Variants in OPCML observed in about 807,000 individuals in gnomAD.
OPCML encodes the protein opioid-binding protein/cell adhesion molecule.
Under a neutral mutation model 37.8 loss-of-function variants are expected in OPCML, and 13 were observed. That is an observed-to-expected ratio of 0.34 (90% CI 0.22 to 0.55). The LOEUF is 0.55. OPCML is among the 20% of genes least tolerant of loss of function. OPCML has a pLI of 0.91. For synonymous variants in OPCML, 176 were observed against 168.8 expected (o/e 1.04, Z -0.33); for missense variants, 341 against 435.6 (o/e 0.78, Z 1.93).
intron 1 of OPCML, among the ~76,000 whole-genome samples, chr11:133,270,074 C>T (rs1200675183): frequency 6.6e-6 from 1 of 152,164 alleles, no homozygotes; most frequent in Admixed American, 6.5e-5. Flanking sequence ...CTGTCCTATT[C>T]ATGTGGAGGT....
At chr11:132,528,447 G>T (rs761977768) in intron 4 of OPCML, among the ~76,000 whole-genome samples, 1 of 152,272 alleles carries the variant, frequency 6.6e-6, no homozygotes, top group Non-Finnish European at 1.5e-5. Flanking sequence ...TTATTTCCAA[G>T]AGGGCAAGCC....
intron 3 of OPCML, among the ~76,000 whole-genome samples, chr11:132,584,337 G>A (rs1260809879): frequency 6.6e-6 from 1 of 152,130 alleles, no homozygotes; most frequent in Admixed American, 6.6e-5. Context: ...ATACAGGGAA[G>A]CCAATCTATT....
intron 1 of OPCML, among the ~76,000 whole-genome samples, chr11:133,187,544 T>C (rs1408103952): frequency 1.3e-5 from 2 of 152,062 alleles, no homozygotes; most frequent in South Asian, 2.1e-4. Context: ...GCTCCTCAGA[T>C]CCAACCCCTG....
intron 1 of OPCML, 193 bp downstream of exon 1, chr11:133,532,071 G>T: frequency 4.2e-6 from 2 of 478,930 alleles, no homozygotes; most frequent in Non-Finnish European, 2.7e-6. Flanking sequence ...CGTGCTGAAA[G>T]CATCTGCGCG....
chr11:133,271,625 C>A (rs1941836789), intron 1 of OPCML, among the ~76,000 whole-genome samples: 1 of 152,150 alleles, frequency 6.6e-6, no homozygotes, highest in Non-Finnish European at 1.5e-5. Flanking sequence ...TTGTTCCTCC[C>A]ATTTTACTGA....
At chr11:133,251,517 AC>A (rs928246551) in intron 1 of OPCML, among the ~76,000 whole-genome samples, 7 of 142,528 alleles carry the variant, frequency 4.9e-5, no homozygotes, top group Admixed American at 2.9e-4. Context: ...TTTTTCCTTT[AC>A]CCCCTTCAAG....
intron 2 of OPCML, among the ~76,000 whole-genome samples, chr11:132,696,416 A>C (rs1427030221): frequency 6.6e-6 from 1 of 152,180 alleles, no homozygotes; most frequent in African/African-American, 2.4e-5. Context: ...AACAAAGAAA[A>C]CTGGTCTCAG....
At chr11:132,944,447 TGCACCCACCTCCGA>T (rs1003068287) in intron 1 of OPCML, among the ~76,000 whole-genome samples, 5 of 151,826 alleles carry the variant, frequency 3.3e-5, no homozygotes, top group African/African-American at 9.7e-5. Flanking sequence ...AGAGGTGGAG[TGCACCCACCTCCGA>T]GGACCCACCT....
At position 133,132,129 on chromosome 11, in the gene OPCML, T is replaced by C. The variant is rs558800683; in HGVS notation, c.62-189119A>G. 4.6e-5 allele frequency among the ~76,000 whole-genome samples: 7 copies of C among 152,272 alleles called. No individual in the cohort carries two copies. In the East Asian group the frequency reaches 1.2e-3, roughly 25 times the overall value. On this transcript the variant is annotated intron_variant, in intron 1 of 7. Coordinates refer to ENST00000524381, the MANE Select transcript of OPCML (RefSeq NM_001012393.5). ...TACCACTGAAAGTGTTTTCAAATCA[T>C]ACAGCTAATAAAGAACTTGTAGACA...
chr11:132,924,612 A>T (rs917165955), intron 2 of OPCML, among the ~76,000 whole-genome samples: 2 of 152,240 alleles, frequency 1.3e-5, no homozygotes, highest in African/African-American at 4.8e-5. Context: ...GAAATTCAAT[A>T]TAATTCTTAT....
At chr11:132,794,446 A>C (rs184847651) in intron 2 of OPCML, among the ~76,000 whole-genome samples, 1 of 152,266 alleles carries the variant, frequency 6.6e-6, no homozygotes, top group Admixed American at 6.5e-5. Flanking sequence ...TACCTGGATA[A>C]ATATTTTTTC....
At chr11:132,552,346 A>C (rs2096383653) in intron 3 of OPCML, among the ~76,000 whole-genome samples, 1 of 152,234 alleles carries the variant, frequency 6.6e-6, no homozygotes, top group Non-Finnish European at 1.5e-5. Context: ...AGAAGGAAAC[A>C]GGACACTGAA....
intron 2 of OPCML, among the ~76,000 whole-genome samples, chr11:132,880,212 A>G (rs1943175173): frequency 6.6e-6 from 1 of 152,142 alleles, no homozygotes; most frequent in African/African-American, 2.4e-5. Flanking sequence ...AATTTTTTAA[A>G]TAATTTAAAA....
intron 1 of OPCML, among the ~76,000 whole-genome samples, chr11:133,198,270 G>T (rs1592095312): frequency 6.6e-6 from 1 of 152,238 alleles, no homozygotes; most frequent in Admixed American, 6.5e-5. Flanking sequence ...AGCAAGACGT[G>T]TGAAAAATCT....
At chr11:132,643,830 T>G (rs960725501) in intron 3 of OPCML, among the ~76,000 whole-genome samples, 3 of 152,184 alleles carry the variant, frequency 2.0e-5, no homozygotes, top group African/African-American at 7.2e-5. Context: ...GCCATGTGCC[T>G]AGAAGTGTGT....
At chr11:132,532,247 G>A (rs1016907980) in intron 3 of OPCML, among the ~76,000 whole-genome samples, 7 of 152,124 alleles carry the variant, frequency 4.6e-5, no homozygotes, top group Admixed American at 4.6e-4. Context: ...CCCAGGTAGT[G>A]TTGTCTGCTT....
intron 2 of OPCML, among the ~76,000 whole-genome samples, chr11:132,892,877 T>C (rs1387951571): frequency 6.6e-6 from 1 of 152,234 alleles, no homozygotes; most frequent in African/African-American, 2.4e-5. Context: ...AAGCCCAGCT[T>C]TATCTGGATT....
chr11:132,530,793 T>C (rs767458453), intron 3 of OPCML, among the ~76,000 whole-genome samples: 3 of 152,166 alleles, frequency 2.0e-5, no homozygotes, highest in African/African-American at 4.8e-5. Flanking sequence ...ACACAGTACA[T>C]GGCACACACT....
chr11:132,891,827 C>T (rs1403688591), intron 2 of OPCML, among the ~76,000 whole-genome samples: 7 of 152,200 alleles, frequency 4.6e-5, no homozygotes, highest in Non-Finnish European at 1.5e-5. Context: ...ATTCTCTTAA[C>T]GTCCAGATTT....
Sources: allele counts gnomAD v4.1 joint callset (sites outside exome capture counted in the v4.1 genomes callset), GRCh38; gene constraint gnomAD v4.1.1; transcripts MANE v1.5; gene names NCBI Gene and HGNC (gene_info 2026-07-23, HGNC 2026-07-21).